CCDC73: variants seen among roughly 807,000 people sequenced by gnomAD.
CCDC73 encodes the protein coiled-coil domain containing 73.
In CCDC73, 95 loss-of-function variants were observed where a neutral mutation model predicts 116.5. The ratio of observed to expected loss-of-function variants is 0.82; its 90% CI spans 0.69 to 0.97. The LOEUF (loss-of-function observed/expected upper bound fraction) is 0.97. CCDC73 is among the 50% of genes least tolerant of loss of function. The probability of loss-of-function intolerance (pLI) is 0.00; values close to 1 mark genes in which losing one functional copy is unlikely to be tolerated. For missense variants in CCDC73, 1,066 were observed against 1,206.8 expected, an observed-to-expected ratio of 0.88 and a Z score of 1.73; for synonymous variants, 398 against 401.3, an observed-to-expected ratio of 0.99 and a Z score of 0.10.
chr11:32,815,436 G>A, the CCDC73 span, among the ~76,000 whole-genome samples: 2 of 151,722 alleles, frequency 1.3e-5, no homozygotes, highest in Non-Finnish European at 2.9e-5. Context: ...CTAGCCTCAA[G>A]TGATCCTCCT....
intron 9 of CCDC73, among the ~76,000 whole-genome samples, chr11:32,665,586 C>A (rs1186382798): frequency 1.3e-5 from 2 of 152,174 alleles, no homozygotes; most frequent in African/African-American, 4.8e-5. Context: ...GAATACTGCA[C>A]ACTGATGGGT....
intron 1 of CCDC73, among the ~76,000 whole-genome samples, chr11:32,766,335 A>G (rs1590637496): frequency 6.6e-6 from 1 of 152,178 alleles, no homozygotes; most frequent in South Asian, 2.1e-4. Flanking sequence ...TTTATGACAA[A>G]CCCACAGCCA....
intron 2 of CCDC73, among the ~76,000 whole-genome samples, chr11:32,727,378 G>A (rs1042313166): frequency 6.6e-6 from 1 of 152,064 alleles, no homozygotes; most frequent in Non-Finnish European, 1.5e-5. Flanking sequence ...AATAGGGTGG[G>A]GTGTTGGGGC....
chr11:32,640,168 G>A (rs1855719865), intron 13 of CCDC73, among the ~76,000 whole-genome samples: 1 of 152,030 alleles, frequency 6.6e-6, no homozygotes, highest in Non-Finnish European at 1.5e-5. Context: ...TCGAACCAAG[G>A]CAGCTTTTTC....
intron 2 of CCDC73, among the ~76,000 whole-genome samples, chr11:32,727,479 G>GA: frequency 6.6e-6 from 1 of 152,214 alleles, no homozygotes; most frequent in East Asian, 1.9e-4. Context: ...AAATAATTTA[G>GA]AAAAAATATT....
intron 14 of CCDC73, among the ~76,000 whole-genome samples, chr11:32,624,641 A>C (rs977725027): frequency 1.3e-5 from 2 of 152,222 alleles, no homozygotes; most frequent in Non-Finnish European, 2.9e-5. Context: ...CTAGAACTAG[A>C]AATACCATTT....
the CCDC73 span, among the ~76,000 whole-genome samples, chr11:32,802,496 G>A: frequency 6.6e-6 from 1 of 152,160 alleles, no homozygotes; most frequent in African/African-American, 2.4e-5. Flanking sequence ...AGTGATAGAT[G>A]ATCAAGGAAA....
At chr11:32,662,527 G>C (rs1032000306) in intron 9 of CCDC73, among the ~76,000 whole-genome samples, 2 of 151,796 alleles carry the variant, frequency 1.3e-5, no homozygotes, top group Non-Finnish European at 2.9e-5. Flanking sequence ...CTTTGTGATG[G>C]GGTTGTTTTT....
At chr11:32,750,027 C>G (rs1216446216) in intron 2 of CCDC73, among the ~76,000 whole-genome samples, 1 of 112,802 alleles carries the variant, frequency 8.9e-6, no homozygotes, top group African/African-American at 3.1e-5. Flanking sequence ...CCGACCACTA[C>G]GCCCGGCTAA....
Position 32,613,913 on chromosome 11 carries a change from G to A in CCDC73, c.2405C>T (p.Thr802Ile). Residue 802 changes from threonine to isoleucine, a missense_variant, in exon 16 of 18, where the codon ACA becomes ATA. Transcript: ENST00000335185. Reference protein sequence around the residue: ...VKTAVHMKTCTETEFSNKKNQ... With the variant: ...VKTAVHMKTCIETEFSNKKNQ... ...CTTTTTATTGGAAAACTCTGTTTCT[G>A]TGCAAGTTTTCATGTGAACAGCAGT... 6.2e-7 allele frequency: 1 copy of A among 1,612,468 alleles called. No homozygotes were observed.
the CCDC73 span, among the ~76,000 whole-genome samples, chr11:32,811,218 T>C: frequency 9.9e-5 from 15 of 152,206 alleles, no homozygotes; most frequent in Non-Finnish European, 2.1e-4. Flanking sequence ...GATTACATCT[T>C]CTCTCCCTTG....
chr11:32,817,311 A>T, the CCDC73 span, among the ~76,000 whole-genome samples: 11 of 152,236 alleles, frequency 7.2e-5, no homozygotes, highest in Admixed American at 7.2e-4. Flanking sequence ...CTTCTGTGGC[A>T]TAAGTTGCTA....
At chr11:32,606,009 A>T (rs1466485033) in intron 17 of CCDC73, 5 of 139,598 alleles carry the variant, frequency 3.6e-5, no homozygotes, top group Admixed American at 2.8e-4. Context: ...AATTCATTGG[A>T]TATATAAAAA....
At chr11:32,664,112 G>C (rs971590535) in intron 9 of CCDC73, among the ~76,000 whole-genome samples, 1 of 152,186 alleles carries the variant, frequency 6.6e-6, no homozygotes, top group South Asian at 2.1e-4. Flanking sequence ...TTGCATCGAT[G>C]TTCATTAGGG....
the CCDC73 span, among the ~76,000 whole-genome samples, chr11:32,814,688 A>G: frequency 6.6e-6 from 1 of 152,234 alleles, no homozygotes; most frequent in Non-Finnish European, 1.5e-5. Flanking sequence ...TATATATCCA[A>G]GAGAAATGAA....
rs531375315 is a variant in CCDC73 at position 32,602,871 on chromosome 11, G to T, written c.3180C>A (p.Asp1060Glu). The T allele has an allele frequency of 4.3e-5, 69 of 1,611,026 alleles. 2 individuals are homozygous for T. In the South Asian group the frequency reaches 7.2e-4, roughly 17 times the overall value. The change falls in exon 18 of 18, where the codon GAC (aspartate) becomes GAA (glutamate). Residue 1060 changes from aspartate to glutamate, a missense_variant. Asp to Glu is a conservative substitution (Grantham distance 45, BLOSUM62 2). Transcript: ENST00000335185. ...CTGCTTTTCTTTTCTTTGGCTGGTT[G>T]TCATTTTCTAAACTTAGTAAATTTT... Reference protein sequence around the residue: ...KSENLLSLENDNQPKKRKAEE... With the variant: ...KSENLLSLENENQPKKRKAEE...
Position 32,605,995 on chromosome 11 carries a change from A to G in CCDC73, c.3031-2975T>C, listed in dbSNP as rs150619421. On this transcript the variant is annotated intron_variant, in intron 17 of 17. Transcript: ENST00000335185. ...ATATTTTAAAATTAAACTTAAATGA[A>G]TCTAATTCATTGGATATATAAAAAA... The G allele has an allele frequency of 2.5e-4, 35 of 142,500 alleles. 3 individuals carry two copies. In the East Asian group the frequency reaches 6.6e-3, roughly 27 times the overall value. The allele number at this position is 142,500 out of a possible 1,614,324, so 8.8% of individuals were successfully genotyped here. A position where few individuals can be genotyped will look rare whatever the true frequency, so the allele number is the denominator to read the frequency against.
chr11:32,620,416 T>C (rs1354679229), intron 14 of CCDC73, among the ~76,000 whole-genome samples: 6 of 151,956 alleles, frequency 3.9e-5, no homozygotes, highest in Non-Finnish European at 8.8e-5. Flanking sequence ...TTGTATCACC[T>C]GGCTAACAAG....
intron 6 of CCDC73, among the ~76,000 whole-genome samples, chr11:32,695,892 TGAAAA>T (rs760294982): frequency 6.0e-5 from 9 of 150,476 alleles, no homozygotes; most frequent in Non-Finnish European, 8.9e-5. Flanking sequence ...CTTGAAAAAA[TGAAAA>T]GAAAACAGAG....
Sources: allele counts gnomAD v4.1 joint callset (sites outside exome capture counted in the v4.1 genomes callset), GRCh38; gene constraint gnomAD v4.1.1; transcripts MANE v1.5; gene names NCBI Gene and HGNC (gene_info 2026-07-23, HGNC 2026-07-21).